Variants in ACSS1 observed in about 807,000 individuals in gnomAD.
ACSS1 encodes acetyl-coenzyme A synthetase 2-like, mitochondrial.
A neutral mutation model predicts 75.3 loss-of-function variants in ACSS1; 42 were observed. The observed-to-expected ratio is 0.56, with a 90% CI of 0.44 to 0.72. The LOEUF is 0.72. Ranked by LOEUF, ACSS1 falls within the 30% of genes least tolerant of loss-of-function variation. The pLI is 0.00. For synonymous variants in ACSS1, 380 were observed against 376.8 expected (o/e 1.01, Z -0.10); for missense variants, 782 against 935.7 (o/e 0.84, Z 2.14).
chr20:25,026,890 T>C (rs2088728963), intron 3 of ACSS1, among the ~76,000 whole-genome samples: 1 of 152,172 alleles, frequency 6.6e-6, no homozygotes, highest in African/African-American at 2.4e-5. Flanking sequence ...AATTCTGAGG[T>C]TCTGGGAGCT....
chr20:25,012,833 G>A lies in ACSS1; in HGVS notation c.1686C>T (p.Thr562=), dbSNP rs779037733. 5 of 1,614,038 alleles carry A rather than the reference G, an allele frequency of 3.1e-6. No individual in the cohort carries two copies. Among genetic ancestry groups the A allele is most frequent in the South Asian group, 1.1e-5 (1 of 91,080 alleles). Residue 562 remains threonine, a synonymous_variant, in exon 11 of 14, where the codon ACC becomes ACT. Coordinates refer to ENST00000323482, the MANE Select transcript of ACSS1 (RefSeq NM_032501.4). ...TCACGATGGCGTCCTCAATCTCTGC[G>A]GTCCCCAGCCGGTGGCCACTGATGT... ...VINISGHRLG[T]AEIEDAIADH...
intron 2 of ACSS1, among the ~76,000 whole-genome samples, chr20:25,033,985 G>T (rs1305299811): frequency 6.6e-6 from 1 of 152,212 alleles, no homozygotes; most frequent in Admixed American, 6.5e-5. Context: ...GCTGAAGCAG[G>T]GTCTGGTGAG....
chr20:25,018,021 A>C (rs1600313295), intron 7 of ACSS1, among the ~76,000 whole-genome samples: 1 of 152,242 alleles, frequency 6.6e-6, no homozygotes, highest in East Asian at 1.9e-4. Flanking sequence ...GGGCCTCTCA[A>C]GCCCAGCTCC....
intron 10 of ACSS1, 36 bp from the exon 11 acceptor site, chr20:25,012,975 C>A: frequency 6.2e-7 from 1 of 1,613,640 alleles, no homozygotes; most frequent in Non-Finnish European, 8.5e-7. Context: ...ACCAGGAACC[C>A]TGAGCCAGGA....
At position 25,056,020 on chromosome 20, in the gene ACSS1, T is replaced by G. The variant is rs899965714; in HGVS notation, c.334+1749A>C. On this transcript the variant is annotated intron_variant, in intron 1 of 13. Coordinates refer to ENST00000323482, the MANE Select transcript of ACSS1 (RefSeq NM_032501.4). ...GTTTTTCAAGTTAGTTTTCTGAAGCTCAATTTCTGGCTAACGTAGCCATAA... is the reference window on the plus strand; with the variant it reads ...GTTTTTCAAGTTAGTTTTCTGAAGCGCAATTTCTGGCTAACGTAGCCATAA... Among the ~76,000 whole-genome samples the G allele has an allele frequency of 4.6e-5, 7 of 152,198 alleles. No homozygotes were observed. The South Asian group carries it at 1.2e-3, about 27-fold the overall frequency.
intron 2 of ACSS1, among the ~76,000 whole-genome samples, chr20:25,035,019 G>A (rs146555365): frequency 6.6e-6 from 1 of 151,206 alleles, no homozygotes; most frequent in African/African-American, 2.4e-5. Flanking sequence ...CAGCCCAGCC[G>A]GAGTAGCTGG....
intron 1 of ACSS1, among the ~76,000 whole-genome samples, chr20:25,051,118 C>A (rs2089168936): frequency 6.6e-6 from 1 of 152,238 alleles, no homozygotes; most frequent in Non-Finnish European, 1.5e-5. Context: ...CTTCTCCCTG[C>A]CTGGGGCACT....
rs760870624 is a variant in ACSS1, at chr20:25,057,722, G to T, written c.334+47C>A. 3 of 1,503,882 alleles carry T rather than the reference G, an allele frequency of 2.0e-6. No individual in the cohort carries two copies. The South Asian group carries it at 3.8e-5, about 19-fold the overall frequency. The allele number at this position is 1,503,882 out of a possible 1,614,324, so 93.2% of individuals were successfully genotyped here. A position where few individuals can be genotyped will look rare whatever the true frequency, so the allele number is the denominator to read the frequency against. On this transcript the variant is annotated intron_variant, in intron 1 of 13. Transcript: ENST00000323482. ...CTGGCGAGAGGCTCCGAGTCCCCTC[G>T]GGACCCAAGAGTTGGGGGCGTCCTG...
chr20:25,022,961 G>C lies in ACSS1; in HGVS notation c.939C>G (p.Leu313=), dbSNP rs41315096. ...GIVHTQAGYL[L]YAALTHKLVF... ...GTACCTTGTGAGTCAGGGCGGCATA[G>C]AGCAGGTAGCCTGCCTGGGTATGGA... The change falls in exon 5 of 14, where the codon CTC becomes CTG. Residue 313 remains leucine, a synonymous_variant. Transcript: ENST00000323482. The C allele has an allele frequency of 2.0e-3, 3,184 of 1,613,690 alleles. 8 individuals are homozygous for C. The highest frequency in any genetic ancestry group is 2.3e-3 in the Admixed American group (139 of 60,004).
rs374466917 is a variant in ACSS1 at position 25,018,104 on chromosome 20, C to T, written c.1246+1906G>A. Among the ~76,000 whole-genome samples, 37 of 152,354 alleles carry T rather than the reference C, an allele frequency of 2.4e-4. 1 individual carries two copies. Among genetic ancestry groups the T allele is most frequent in the African/African-American group, 8.9e-4 (37 of 41,578 alleles). On this transcript the variant is annotated intron_variant, in intron 7 of 13. Coordinates refer to ENST00000323482, the MANE Select transcript of ACSS1 (RefSeq NM_032501.4). ...ATGTTTGTCCCCTCCAAATCTCACG[C>T]TGAAATGTAATTGCCATTGTAACAG...
In ACSS1 at chr20:25,006,959, C is replaced by A; in HGVS notation, c.*803G>T. 1.3e-6 allele frequency: 2 copies of A among 1,534,936 alleles called. No homozygotes were observed. Among genetic ancestry groups the A allele is most frequent in the Non-Finnish European group, 8.7e-7 (1 of 1,146,550 alleles). On this transcript the variant is annotated 3_prime_UTR_variant, in exon 14 of 14. Transcript: ENST00000323482. ...TCCTATCAAGAGGCATCTGGGGGCA[C>A]AAAAATCTTTCTGGATCACAGCTTG...
At chr20:25,019,082 G>A (rs573592405) in intron 7 of ACSS1, among the ~76,000 whole-genome samples, 14 of 152,334 alleles carry the variant, frequency 9.2e-5, no homozygotes, top group Non-Finnish European at 1.9e-4. Flanking sequence ...TTCACTGGGA[G>A]GTACATGCTC....
Position 25,006,912 on chromosome 20 carries a change from A to G in ACSS1, c.*850T>C. 1 of 1,535,468 alleles carries G rather than the reference A, an allele frequency of 6.5e-7. No homozygotes were observed. Among genetic ancestry groups the G allele is most frequent in the Non-Finnish European group, 8.7e-7 (1 of 1,146,726 alleles). On this transcript the variant is annotated 3_prime_UTR_variant, in exon 14 of 14. Transcript: ENST00000323482. Reference sequence around the variant, plus strand: ...TCTAATAGCTTCCCTGAAGAACCCAACTATTTGGAGTATGTTGCCTCTCCT... The same window carrying G: ...TCTAATAGCTTCCCTGAAGAACCCAGCTATTTGGAGTATGTTGCCTCTCCT...
intron 4 of ACSS1, 65 bp from the exon 5 acceptor site, chr20:25,023,157 C>G: frequency 6.5e-7 from 1 of 1,544,252 alleles, no homozygotes; most frequent in Non-Finnish European, 8.7e-7. Flanking sequence ...CAGCACTCCC[C>G]CTCCGCAGCA....
intron 1 of ACSS1, among the ~76,000 whole-genome samples, chr20:25,054,311 C>T (rs2089213693): frequency 6.6e-6 from 1 of 152,260 alleles, no homozygotes; most frequent in South Asian, 2.1e-4. Flanking sequence ...CTCAGCAGCA[C>T]TGCCGAAGGC....
At position 25,030,766 on chromosome 20, in the gene ACSS1, G is replaced by T; in HGVS notation, c.624C>A (p.Ile208=). 6.2e-7 allele frequency: 1 copy of T among 1,614,024 alleles called. No homozygotes were observed. Among genetic ancestry groups the T allele is most frequent in the South Asian group, 1.1e-5 (1 of 91,060 alleles). The part of the protein sequence containing the change: ...GFSAESLAGR[I]NDAKCKVVIT... ...CCATGCCCACCTCCTCACCATCATT[G>T]ATCCTCCCAGCCAAGGACTCTGCAC... The change falls in exon 3 of 14, where the codon ATC becomes ATA. Residue 208 remains isoleucine, a synonymous_variant. Coordinates refer to ENST00000323482, the MANE Select transcript of ACSS1 (RefSeq NM_032501.4).
chr20:25,032,586 C>A, intron 2 of ACSS1: 1 of 1,242,212 alleles, frequency 8.1e-7, no homozygotes, highest in South Asian at 3.8e-5. Context: ...GGCAGACCAC[C>A]AGCCCGCGAC....
intron 2 of ACSS1, among the ~76,000 whole-genome samples, chr20:25,039,151 A>G (rs1050668961): frequency 6.6e-6 from 1 of 152,184 alleles, no homozygotes; most frequent in African/African-American, 2.4e-5. Context: ...ACAACAGCCC[A>G]TAGGTTCTGA....
chr20:25,041,522 C>T (rs964467115), intron 2 of ACSS1, among the ~76,000 whole-genome samples: 5 of 152,210 alleles, frequency 3.3e-5, no homozygotes, highest in African/African-American at 9.7e-5. Context: ...CCTTGCAGCT[C>T]ATCCCTGTTC....
Sources: gnomAD v4.1 joint callset for allele counts (sites outside exome capture counted in the v4.1 genomes callset) on GRCh38, gnomAD v4.1.1 for gene constraint, MANE v1.5 for transcripts, NCBI Gene and HGNC (gene_info 2026-07-23, HGNC 2026-07-21) for gene names.